TMEM106B: variants seen among roughly 807,000 people sequenced by gnomAD.
The protein encoded by TMEM106B is transmembrane protein 106B.
Under a neutral mutation model 31.1 loss-of-function variants are expected in TMEM106B, and 15 were observed. The ratio of observed to expected loss-of-function variants is 0.48; its 90% CI spans 0.32 to 0.74. TMEM106B has a LOEUF of 0.74. Ranked by LOEUF, TMEM106B falls within the 30% of genes least tolerant of loss-of-function variation. TMEM106B has a pLI of 0.03. For missense variants in TMEM106B, 283 were observed against 327.3 expected, an observed-to-expected ratio of 0.86 and a Z score of 1.04; for synonymous variants, 126 against 112.5, an observed-to-expected ratio of 1.12 and a Z score of -0.76.
intron 1 of TMEM106B, 138 bp from the exon 2 acceptor site, chr7:12,214,671 C>T (rs546036789): frequency 1.4e-5 from 11 of 803,450 alleles, no homozygotes; most frequent in African/African-American, 3.5e-5. Flanking sequence ...TTTTTGGCTC[C>T]GAATAAATCC....
At chr7:12,221,011 T>C (rs1300157387) in intron 3 of TMEM106B, among the ~76,000 whole-genome samples, 1 of 152,040 alleles carries the variant, frequency 6.6e-6, no homozygotes, top group Admixed American at 6.6e-5. Context: ...AATGGGATGA[T>C]AAACCAAATC....
At position 12,240,871 on chromosome 7, in the gene TMEM106B, G is replaced by C. The variant is rs931510877; in HGVS notation, c.*8896G>C. 1.3e-5 allele frequency: 2 copies of C among 152,232 alleles called. No individual in the cohort carries two copies. The highest frequency in any genetic ancestry group is 4.8e-5 in the African/African-American group (2 of 41,546). The allele number at this position is 152,232 out of a possible 1,614,324, so 9.4% of individuals were successfully genotyped here. On this transcript the variant is annotated 3_prime_UTR_variant, in exon 8 of 8. Coordinates refer to ENST00000396668, the MANE Select transcript of TMEM106B (RefSeq NM_001134232.2). ...AGGGACCCCTGAACATTGGCCTAGA[G>C]GGTAGTGTACAGTCACTTCTTCAGT... is the stretch of plus-strand genomic sequence containing the variant.
In TMEM106B at chr7:12,215,207, G is replaced by C. The variant is rs181748298; in HGVS notation, c.217+180G>C. Among the ~76,000 whole-genome samples, 34 of 152,034 alleles carry C rather than the reference G, an allele frequency of 2.2e-4. 1 individual carries two copies. Reference sequence around the variant, plus strand: ...AGAAACAAATAAAGTATTAATTAAGGTTCCTAAAGCAGTAAAGAAAACCAC... The same window carrying C: ...AGAAACAAATAAAGTATTAATTAAGCTTCCTAAAGCAGTAAAGAAAACCAC... On this transcript the variant is annotated intron_variant, in intron 2 of 7. Coordinates refer to ENST00000396668, the MANE Select transcript of TMEM106B (RefSeq NM_001134232.2).
At chr7:12,218,602 G>T (rs1476519929) in intron 3 of TMEM106B, 81 bp downstream of exon 3, 2 of 1,147,218 alleles carry the variant, frequency 1.7e-6, no homozygotes, top group African/African-American at 3.2e-5. Context: ...ATAATAACTA[G>T]TTAAAACTAT....
chr7:12,220,692 T>C (rs1011651439), intron 3 of TMEM106B, among the ~76,000 whole-genome samples: 1 of 152,234 alleles, frequency 6.6e-6, no homozygotes, highest in Non-Finnish European at 1.5e-5. Flanking sequence ...TGGCATTATT[T>C]GCCAAATTAC....
chr7:12,217,575 G>A (rs770380755), intron 2 of TMEM106B, among the ~76,000 whole-genome samples: 6 of 152,174 alleles, frequency 3.9e-5, no homozygotes, highest in African/African-American at 1.4e-4. Context: ...CAGAGGGTTG[G>A]TTTTAACCAG....
chr7:12,233,546 A>G lies in TMEM106B; in HGVS notation c.*1571A>G, dbSNP rs934136804. The G allele has an allele frequency of 2.0e-5, 3 of 151,238 alleles. No individual in the cohort carries two copies. The highest frequency in any genetic ancestry group is 4.4e-5 in the Non-Finnish European group (3 of 67,588). 9.4% of individuals were successfully genotyped at this position (151,238 alleles called of 1,614,324 possible). On this transcript the variant is annotated 3_prime_UTR_variant, in exon 8 of 8. Transcript: ENST00000396668. ...CTGCAAGTTTTCTTGAGTATCTTCA[A>G]TTCGTTGAATGTGGTTTTTGGTTTT...
At position 12,232,292 on chromosome 7, in the gene TMEM106B, C is replaced by G. The variant is rs1014457690; in HGVS notation, c.*317C>G. ...TATTTAAAAGTCATAGCTCCAGTCA[C>G]TACTGAAAACATAATTTTGGTGATA... On this transcript the variant is annotated 3_prime_UTR_variant, in exon 8 of 8. Coordinates refer to ENST00000396668, the MANE Select transcript of TMEM106B (RefSeq NM_001134232.2). 1 of 170,320 alleles carries G rather than the reference C, an allele frequency of 5.9e-6. No homozygotes were observed. The highest frequency in any genetic ancestry group is 1.2e-5 in the Non-Finnish European group (1 of 80,260). 10.6% of individuals were successfully genotyped at this position (170,320 alleles called of 1,614,324 possible).
intron 4 of TMEM106B, among the ~76,000 whole-genome samples, chr7:12,224,708 A>G (rs75163637): frequency 0.011 from 1,636 of 152,320 alleles, 35 homozygotes; most frequent in African/African-American, 0.037. Context: ...AAGTGTTGAC[A>G]TAGTTGATTT....
At chr7:12,217,934 T>C (rs755550285) in intron 2 of TMEM106B, among the ~76,000 whole-genome samples, 15 of 152,086 alleles carry the variant, frequency 9.9e-5, no homozygotes, top group Non-Finnish European at 1.9e-4. Context: ...TGGATTGGGG[T>C]GAGACCTGAA....
Position 12,234,707 on chromosome 7 carries a change from A to C in TMEM106B, c.*2732A>C, listed in dbSNP as rs1041985300. The C allele has an allele frequency of 3.9e-5, 6 of 151,932 alleles. No individual in the cohort carries two copies. Among genetic ancestry groups the C allele is most frequent in the Non-Finnish European group, 7.4e-5 (5 of 67,816 alleles). The allele number at this position is 151,932 out of a possible 1,614,324, so 9.4% of individuals were successfully genotyped here. ...TTCTGATACTTCCTGGAATAACTTT[A>C]AGTTACACCCTAGTAGACTGGTCAT... On this transcript the variant is annotated 3_prime_UTR_variant, in exon 8 of 8. Coordinates refer to ENST00000396668, the MANE Select transcript of TMEM106B (RefSeq NM_001134232.2).
At position 12,234,870 on chromosome 7, in the gene TMEM106B, A is replaced by G. The variant is rs1782098707; in HGVS notation, c.*2895A>G. ...AACAAAGGAGAGTGATAGGCTCCTTATCTTTTAGAAGAGGAAGGAAAGGCA... is the reference window on the plus strand; with the variant it reads ...AACAAAGGAGAGTGATAGGCTCCTTGTCTTTTAGAAGAGGAAGGAAAGGCA... On this transcript the variant is annotated 3_prime_UTR_variant, in exon 8 of 8. Coordinates refer to ENST00000396668, the MANE Select transcript of TMEM106B (RefSeq NM_001134232.2). The G allele has an allele frequency of 6.6e-6, 1 of 151,816 alleles. No homozygotes were observed. The highest frequency in any genetic ancestry group is 1.5e-5 in the Non-Finnish European group (1 of 67,804). The allele number at this position is 151,816 out of a possible 1,614,324, so 9.4% of individuals were successfully genotyped here. A position where few individuals can be genotyped will look rare whatever the true frequency, so the allele number is the denominator to read the frequency against.
chr7:12,221,744 G>A lies in TMEM106B; in HGVS notation c.282-2482G>A, dbSNP rs534762377. On this transcript the variant is annotated intron_variant, in intron 3 of 7. Coordinates refer to ENST00000396668, the MANE Select transcript of TMEM106B (RefSeq NM_001134232.2). ...CAGAGCTCAGTGGTCTTCCTCAATG[G>A]AGATGGAACTGGGTGTCCAGAAAGC... Among the ~76,000 whole-genome samples, 7 of 152,304 alleles carry A rather than the reference G, an allele frequency of 4.6e-5. No individual in the cohort carries two copies. The South Asian group carries it at 1.4e-3, about 32-fold the overall frequency.
chr7:12,231,219 G>T, intron 7 of TMEM106B, 104 bp downstream of exon 7: 1 of 843,418 alleles, frequency 1.2e-6, no homozygotes, highest in Non-Finnish European at 1.9e-6. Flanking sequence ...CACCTCAGTT[G>T]GGTTTTAAGC....
At position 12,231,072 on chromosome 7, in the gene TMEM106B, A is replaced by T; in HGVS notation, c.643A>T (p.Thr215Ser). The change falls in exon 7 of 8, where the codon ACT becomes TCT. Residue 215 changes from threonine (T) to serine (S), a missense_variant. Thr to Ser is a moderately conservative substitution (Grantham distance 58). Transcript: ENST00000396668. The stretch of plus-strand genomic sequence containing the variant: ...TAATTTCTTTAACAGTGATTTCTGT[A>T]CTCTGATATCCATCAAAGTGCATAA... Reference protein sequence around the residue: ...EEMSYMYDFCTLISIKVHNIV... With the variant: ...EEMSYMYDFCSLISIKVHNIV... The T allele has an allele frequency of 6.3e-7, 1 of 1,594,430 alleles. No individual in the cohort carries two copies. The highest frequency in any genetic ancestry group is 1.1e-5 in the South Asian group (1 of 87,844).
chr7:12,224,206 T>TAC lies in TMEM106B; in HGVS notation c.282-19_282-18dup. ...AATTTCTGATGCACATGTACTTAAA[T>TAC]ACCCTCTTTTCCTTTTCAGAAAGCT... On this transcript the variant is annotated intron_variant, in intron 3 of 7. Transcript: ENST00000396668. 1.9e-6 allele frequency: 3 copies of TAC among 1,604,888 alleles called. No individual in the cohort carries two copies. Among genetic ancestry groups the TAC allele is most frequent in the Non-Finnish European group, 2.6e-6 (3 of 1,173,588 alleles).
chr7:12,229,777 C>G lies in TMEM106B; in HGVS notation c.540C>G (p.Arg180=). The G allele has an allele frequency of 6.2e-7, 1 of 1,612,300 alleles. No individual in the cohort carries two copies. The highest frequency in any genetic ancestry group is 8.5e-7 in the Non-Finnish European group (1 of 1,179,400). ...CAAAAACAGTTATTGGAAAGGCACG[C>G]TTAAACAACATAACCATTATTGGTC... ...QFSKTVIGKA[R]LNNITIIGPL... The change falls in exon 5 of 8, where the codon CGC becomes CGG. Residue 180 remains arginine (R), a synonymous_variant. Coordinates refer to ENST00000396668, the MANE Select transcript of TMEM106B (RefSeq NM_001134232.2).
rs1583223248 is a variant in TMEM106B, at chr7:12,234,009, A to T, written c.*2034A>T. On this transcript the variant is annotated 3_prime_UTR_variant, in exon 8 of 8. Transcript: ENST00000396668. ...TAGTGACTGTGTAAAATAAAAAAAA[A>T]GTTATTTTATCATATCCTTTCTATT... 6.6e-6 allele frequency: 1 copy of T among 151,718 alleles called. No homozygotes were observed. Among genetic ancestry groups the T allele is most frequent in the African/African-American group, 2.4e-5 (1 of 41,414 alleles). 9.4% of individuals were successfully genotyped at this position (151,718 alleles called of 1,614,324 possible).
chr7:12,224,152 A>G, intron 3 of TMEM106B, 74 bp from the exon 4 acceptor site: 1 of 1,396,978 alleles, frequency 7.2e-7, no homozygotes, highest in Non-Finnish European at 1.0e-6. Flanking sequence ...GGGGAAATTG[A>G]ACATACCTTC....
Sources: gnomAD v4.1 joint callset for allele counts (sites outside exome capture counted in the v4.1 genomes callset) on GRCh38, gnomAD v4.1.1 for gene constraint, MANE v1.5 for transcripts, NCBI Gene and HGNC (gene_info 2026-07-23, HGNC 2026-07-21) for gene names.